Variants in DCC observed in about 807,000 individuals in gnomAD.
DCC encodes netrin receptor DCC.
Under a neutral mutation model 172.5 loss-of-function variants are expected in DCC, and 58 were observed. The observed-to-expected ratio is 0.34, with a 90% CI of 0.27 to 0.42. The LOEUF (loss-of-function observed/expected upper bound fraction) is 0.42. Among genes scored for constraint, DCC ranks in the 10% least tolerant of loss-of-function variants. The pLI, the probability that DCC is intolerant of heterozygous loss-of-function variation, is 1.00. For synonymous variants in DCC, 709 were observed against 644.5 expected (o/e 1.10, Z -1.52); for missense variants, 1,740 against 1,791.0 (o/e 0.97, Z 0.51).
chr18:53,077,229 C>A (rs1413538192), intron 7 of DCC, among the ~76,000 whole-genome samples: 1 of 151,924 alleles, frequency 6.6e-6, no homozygotes, highest in Non-Finnish European at 1.5e-5. Context: ...ATAGTCCTAC[C>A]TTGAGCCATT....
At chr18:53,220,130 G>A (rs1393621980) in intron 12 of DCC, among the ~76,000 whole-genome samples, 1 of 152,074 alleles carries the variant, frequency 6.6e-6, no homozygotes, top group Non-Finnish European at 1.5e-5. Context: ...AAAAGCTGGA[G>A]GCAAGGAAAA....
rs527688185 is a variant in DCC at position 52,542,509 on chromosome 18, G to T, written c.91+201631G>T. Among the ~76,000 whole-genome samples, 4 of 152,182 alleles carry T rather than the reference G, an allele frequency of 2.6e-5. No homozygotes were observed. In the East Asian group the frequency reaches 7.7e-4, roughly 29 times the overall value. On this transcript the variant is annotated intron_variant, in intron 1 of 28. Transcript: ENST00000442544. Reference sequence around the variant, plus strand: ...TTGTAATGAATTGAAGGGGTCAGGGGTAGTTCTTTGGAATTCTAGTCTAAA... The same window carrying T: ...TTGTAATGAATTGAAGGGGTCAGGGTTAGTTCTTTGGAATTCTAGTCTAAA...
At chr18:52,805,531 T>A (rs544079498) in intron 2 of DCC, among the ~76,000 whole-genome samples, 31 of 152,278 alleles carry the variant, frequency 2.0e-4, no homozygotes, top group African/African-American at 7.2e-4. Context: ...GAGGTGAGGA[T>A]ATATGTGCTG....
intron 1 of DCC, among the ~76,000 whole-genome samples, chr18:52,540,140 CT>C (rs1017107021): frequency 6.6e-6 from 1 of 152,162 alleles, no homozygotes; most frequent in Non-Finnish European, 1.5e-5. Context: ...GATATCAAAA[CT>C]TTATCATTGC....
chr18:53,104,845 A>G (rs1015151124), intron 7 of DCC, among the ~76,000 whole-genome samples: 1 of 152,022 alleles, frequency 6.6e-6, no homozygotes, highest in Non-Finnish European at 1.5e-5. Flanking sequence ...AGGTAGAAGT[A>G]GGTTATTTAT....
At chr18:53,006,188 C>G (rs879285888) in intron 5 of DCC, among the ~76,000 whole-genome samples, 1 of 152,244 alleles carries the variant, frequency 6.6e-6, no homozygotes, top group African/African-American at 2.4e-5. Context: ...ACAGAAAATT[C>G]AAACTGGCTT....
chr18:53,197,929 C>T (rs1208472722), intron 9 of DCC, among the ~76,000 whole-genome samples: 1 of 152,010 alleles, frequency 6.6e-6, no homozygotes, highest in Admixed American at 6.5e-5. Flanking sequence ...CCCCAACATC[C>T]TATAAAACCT....
At chr18:53,072,775 A>G (rs2042673289) in intron 7 of DCC, among the ~76,000 whole-genome samples, 1 of 152,196 alleles carries the variant, frequency 6.6e-6, no homozygotes. Flanking sequence ...TCTATGTCTT[A>G]TGTTAATATT....
At chr18:53,306,385 G>A (rs1469084230) in intron 13 of DCC, among the ~76,000 whole-genome samples, 1 of 152,194 alleles carries the variant, frequency 6.6e-6, no homozygotes, top group South Asian at 2.1e-4. Context: ...TACCTTTAAA[G>A]TTATAAGTTC....
chr18:52,366,384 G>A (rs1984856355), intron 1 of DCC, among the ~76,000 whole-genome samples: 1 of 152,146 alleles, frequency 6.6e-6, no homozygotes, highest in Non-Finnish European at 1.5e-5. Context: ...GCCAATGCTG[G>A]CTCGGGCAGC....
At chr18:52,403,760 G>A (rs188766813) in intron 1 of DCC, among the ~76,000 whole-genome samples, 112 of 152,118 alleles carry the variant, frequency 7.4e-4, no homozygotes, top group Non-Finnish European at 1.1e-3. Context: ...TAATGCATTT[G>A]CTGCTAATTC....
At chr18:52,900,185 A>T (rs1473310384) in intron 2 of DCC, among the ~76,000 whole-genome samples, 1 of 152,224 alleles carries the variant, frequency 6.6e-6, no homozygotes, top group African/African-American at 2.4e-5. Flanking sequence ...GTATTCAAAC[A>T]CACTGTTACT....
In DCC at chr18:53,179,313, C is replaced by T. The variant is rs527909594; in HGVS notation, c.1573+197C>T. Reference sequence around the variant, plus strand: ...TGGCCTCTTCACTTAGGCCACATACCGTAATGGCAAATTAACCTCTATAAA... The same window carrying T: ...TGGCCTCTTCACTTAGGCCACATACTGTAATGGCAAATTAACCTCTATAAA... On this transcript the variant is annotated intron_variant, in intron 9 of 28. Coordinates refer to ENST00000442544, the MANE Select transcript of DCC (RefSeq NM_005215.4). Among the ~76,000 whole-genome samples, 76 of 152,204 alleles carry T rather than the reference C, an allele frequency of 5.0e-4. No homozygotes were observed. The South Asian group carries it at 0.013, about 25-fold the overall frequency.
chr18:52,566,794 G>C (rs1054633178), intron 1 of DCC, among the ~76,000 whole-genome samples: 2 of 151,938 alleles, frequency 1.3e-5, no homozygotes, highest in African/African-American at 4.8e-5. Flanking sequence ...TCCCTGTGCA[G>C]GGCAAAGTAA....
At chr18:53,063,236 G>T in intron 5 of DCC, 69 bp from the exon 6 acceptor site, 1 of 1,414,476 alleles carries the variant, frequency 7.1e-7, no homozygotes, top group Non-Finnish European at 1.0e-6. Context: ...TAAACTCAGT[G>T]AAGACCTCAG....
At chr18:53,179,196 T>G in intron 9 of DCC, 80 bp downstream of exon 9, 1 of 1,401,680 alleles carries the variant, frequency 7.1e-7, no homozygotes, top group East Asian at 2.4e-5. Flanking sequence ...TCACAGAACC[T>G]TTGCGAAGTG....
At chr18:53,363,579 G>A (rs572744731) in intron 15 of DCC, among the ~76,000 whole-genome samples, 16 of 152,038 alleles carry the variant, frequency 1.1e-4, no homozygotes, top group East Asian at 5.8e-4. Flanking sequence ...CTTCCTCACC[G>A]GCATAGACAT....
At chr18:52,645,911 T>C (rs967844144) in intron 1 of DCC, among the ~76,000 whole-genome samples, 2 of 152,244 alleles carry the variant, frequency 1.3e-5, no homozygotes, top group Non-Finnish European at 2.9e-5. Context: ...AGGGGTGTTA[T>C]TCTCAAAGCA....
chr18:52,753,298 A>T (rs2037028472), intron 2 of DCC, among the ~76,000 whole-genome samples: 1 of 152,176 alleles, frequency 6.6e-6, no homozygotes, highest in East Asian at 1.9e-4. Flanking sequence ...TTATTCTGTC[A>T]TGGATTTGAC....
Sources: gnomAD v4.1 joint callset for allele counts (sites outside exome capture counted in the v4.1 genomes callset) on GRCh38, gnomAD v4.1.1 for gene constraint, MANE v1.5 for transcripts, NCBI Gene and HGNC (gene_info 2026-07-23, HGNC 2026-07-21) for gene names.